RAC1: variants seen among roughly 807,000 people sequenced by gnomAD.
The protein encoded by RAC1 is Rac family small GTPase 1, also known as ras-related C3 botulinum toxin substrate 1.
Under a neutral mutation model 25.2 loss-of-function variants are expected in RAC1, and 2 were observed. The observed-to-expected ratio is 0.08, with a 90% CI of 0.03 to 0.25. RAC1 has a LOEUF of 0.25. Ranked by LOEUF, RAC1 falls within the 10% of genes least tolerant of loss-of-function variation. The probability of loss-of-function intolerance (pLI) is 1.00; values close to 1 mark genes in which losing one functional copy is unlikely to be tolerated. For synonymous variants in RAC1, 88 were observed against 94.0 expected (o/e 0.94, Z 0.37); for missense variants, 50 against 235.7 (o/e 0.21, Z 5.16).
intron 1 of RAC1, among the ~76,000 whole-genome samples, chr7:6,382,968 C>A (rs1025237043): frequency 2.0e-5 from 3 of 152,090 alleles, no homozygotes; most frequent in African/African-American, 7.2e-5. Context: ...AGGGGAAGCA[C>A]AGATAGGTTA....
At chr7:6,382,679 A>G (rs1431640859) in intron 1 of RAC1, among the ~76,000 whole-genome samples, 1 of 152,232 alleles carries the variant, frequency 6.6e-6, no homozygotes, top group African/African-American at 2.4e-5. Context: ...TCTGGCCAAC[A>G]TGGCAAAACC....
At chr7:6,391,792 C>T (rs1018561879) in intron 2 of RAC1, 132 bp from the exon 3 acceptor site, 2 of 1,429,752 alleles carry the variant, frequency 1.4e-6, no homozygotes, top group Non-Finnish European at 1.9e-6. Context: ...CTTGTGCCTG[C>T]AGGGACATTT....
At position 6,402,518 on chromosome 7, in the gene RAC1, A is replaced by AAAAC. The variant is rs1394094306; in HGVS notation, c.*75_*76insCAAA. The AAAAC allele has an allele frequency of 2.8e-6, 3 of 1,056,800 alleles. No individual in the cohort carries two copies. In the African/African-American group the frequency reaches 6.4e-5, roughly 23 times the overall value. 65.5% of individuals were successfully genotyped at this position (1,056,800 alleles called of 1,614,324 possible). On this transcript the variant is annotated 3_prime_UTR_variant, in exon 6 of 6. Transcript: ENST00000348035. ...CGCTTTGCTCAAAAAAAAACAAAAAAAAAAAACAAAAAAAAAAAACAACGG... is the reference window on the plus strand; with the variant it reads ...CGCTTTGCTCAAAAAAAAACAAAAAAAAACAAAAAACAAAAAAAAAAAACAACGG...
chr7:6,397,227 C>T (rs1382638598), intron 3 of RAC1, among the ~76,000 whole-genome samples: 83 of 135,382 alleles, frequency 6.1e-4, no homozygotes, highest in African/African-American at 2.2e-3. Flanking sequence ...GGCGACAGAG[C>T]GAGACTCTGT....
At chr7:6,397,871 C>G (rs1783289140) in intron 3 of RAC1, among the ~76,000 whole-genome samples, 2 of 152,108 alleles carry the variant, frequency 1.3e-5, no homozygotes, top group Non-Finnish European at 2.9e-5. Flanking sequence ...TGCCTGTAGT[C>G]CCAGCTACTT....
intron 3 of RAC1, among the ~76,000 whole-genome samples, chr7:6,395,719 C>T (rs576192838): frequency 6.6e-6 from 1 of 152,278 alleles, no homozygotes; most frequent in South Asian, 2.1e-4. Flanking sequence ...GGCGAAGCTG[C>T]GAGTGCCAGG....
chr7:6,391,703 G>A (rs1219880018), intron 2 of RAC1: 5 of 550,894 alleles, frequency 9.1e-6, no homozygotes, highest in East Asian at 9.0e-5. Context: ...ATAGCTTGTT[G>A]TTTGTTTCTT....
rs965270808 is a variant in RAC1 at position 6,398,439 on chromosome 7, C to T, written c.226-1687C>T. ...TGCCCCCCCTCAGGATCTCCCTGAC[C>T]TCTGTCTTCACCATCGTTGAACTTA... is the stretch of plus-strand genomic sequence containing the variant. On this transcript the variant is annotated intron_variant, in intron 3 of 5. Coordinates refer to ENST00000348035, the MANE Select transcript of RAC1 (RefSeq NM_006908.5). Among the ~76,000 whole-genome samples the T allele has an allele frequency of 2.6e-5, 4 of 152,218 alleles. No homozygotes were observed. The East Asian group carries it at 7.7e-4, about 29-fold the overall frequency.
intron 2 of RAC1, among the ~76,000 whole-genome samples, chr7:6,390,549 G>A (rs79926774): frequency 7.9e-5 from 12 of 151,322 alleles, no homozygotes; most frequent in Admixed American, 5.3e-4. Context: ...GCAGTGAGCC[G>A]AGATCGCACC....
At chr7:6,391,192 C>T (rs942694367) in intron 2 of RAC1, among the ~76,000 whole-genome samples, 3 of 152,096 alleles carry the variant, frequency 2.0e-5, no homozygotes, top group Non-Finnish European at 4.4e-5. Flanking sequence ...GCCACCGTGC[C>T]CAGCCTCTGC....
chr7:6,401,390 C>T (rs186985431), intron 4 of RAC1, among the ~76,000 whole-genome samples: 17 of 152,244 alleles, frequency 1.1e-4, no homozygotes, highest in Middle Eastern at 3.4e-3. Flanking sequence ...TCACAAACTT[C>T]TTAGTGAAAA....
chr7:6,388,336 T>C (rs1782982547), intron 2 of RAC1, among the ~76,000 whole-genome samples: 1 of 148,470 alleles, frequency 6.7e-6, no homozygotes, highest in South Asian at 2.1e-4. Context: ...TTGTTGTTGT[T>C]GTTGTTTTCC....
chr7:6,390,771 A>G (rs1783071704), intron 2 of RAC1, among the ~76,000 whole-genome samples: 1 of 152,206 alleles, frequency 6.6e-6, no homozygotes, highest in South Asian at 2.1e-4. Flanking sequence ...TTTTTGGTAT[A>G]GAATGAGGCA....
At chr7:6,389,009 T>G (rs759198688) in intron 2 of RAC1, among the ~76,000 whole-genome samples, 1 of 151,424 alleles carries the variant, frequency 6.6e-6, no homozygotes, top group Admixed American at 6.6e-5. Context: ...GAGACCAACC[T>G]GGCCAACATG....
At chr7:6,394,372 T>C (rs1042899309) in intron 3 of RAC1, among the ~76,000 whole-genome samples, 1 of 152,238 alleles carries the variant, frequency 6.6e-6, no homozygotes, top group Non-Finnish European at 1.5e-5. Flanking sequence ...AAATCTTTGC[T>C]AAGTTCTGCA....
rs968376081 is a variant in RAC1 at position 6,402,975 on chromosome 7, A to G, written c.*529A>G. ...TGAGTTAGCAGCACGTGTTCCCGACATAACATTGTACTGTAATGGAGTGAG... is the reference window on the plus strand; with the variant it reads ...TGAGTTAGCAGCACGTGTTCCCGACGTAACATTGTACTGTAATGGAGTGAG... On this transcript the variant is annotated 3_prime_UTR_variant, in exon 6 of 6. Coordinates refer to ENST00000348035, the MANE Select transcript of RAC1 (RefSeq NM_006908.5). 2.6e-5 allele frequency: 5 copies of G among 191,178 alleles called. No individual in the cohort carries two copies. The highest frequency in any genetic ancestry group is 2.5e-4 in the Admixed American group (4 of 16,240). 11.8% of individuals were successfully genotyped at this position (191,178 alleles called of 1,614,324 possible).
At chr7:6,393,461 G>GT (rs1783146251) in intron 3 of RAC1, among the ~76,000 whole-genome samples, 1 of 152,166 alleles carries the variant, frequency 6.6e-6, no homozygotes, top group South Asian at 2.1e-4. Context: ...ACCGGGCAGG[G>GT]TGAGGCCTCT....
intron 2 of RAC1, among the ~76,000 whole-genome samples, chr7:6,388,907 T>A (rs1028620364): frequency 3.9e-5 from 6 of 152,078 alleles, no homozygotes; most frequent in African/African-American, 1.4e-4. Flanking sequence ...TGTTTTAAAT[T>A]TTGGTAGATA....
intron 1 of RAC1, among the ~76,000 whole-genome samples, chr7:6,376,493 TTTTTTTTCTTTTC>T (rs1324137622): frequency 9.4e-5 from 14 of 149,244 alleles, no homozygotes; most frequent in African/African-American, 3.5e-4. Context: ...CCAATTTTTT[TTTTTTTTCTTTTC>T]TTTTTTTTTT....
Sources: gnomAD v4.1 joint callset for allele counts (sites outside exome capture counted in the v4.1 genomes callset) on GRCh38, gnomAD v4.1.1 for gene constraint, MANE v1.5 for transcripts, NCBI Gene and HGNC (gene_info 2026-07-23, HGNC 2026-07-21) for gene names.